The following ANKRD36C variants were observed in gnomAD, a reference collection of about 807,000 sequenced individuals.
ANKRD36C encodes ankyrin repeat domain-containing protein 36C.
ANKRD36C carries 61 observed loss-of-function variants against 276.4 expected under a neutral mutation model. The ratio of observed to expected loss-of-function variants is 0.22; its 90% CI spans 0.18 to 0.27. ANKRD36C has a LOEUF of 0.27. Ranked by LOEUF, ANKRD36C falls within the 10% of genes least tolerant of loss-of-function variation. The pLI is 1.00. For missense variants in ANKRD36C, 1,447 were observed against 2,032.3 expected (o/e 0.71, Z 5.54); for synonymous variants, 483 against 680.1 (o/e 0.71, Z 4.51).
chr2:95,927,198 T>C lies in ANKRD36C; in HGVS notation c.1939+16A>G, dbSNP rs545261615. On this transcript the variant is annotated intron_variant, in intron 28 of 66. Coordinates refer to ENST00000456556, the Ensembl canonical transcript of ANKRD36C. The stretch of plus-strand genomic sequence containing the variant: ...TCTTGACTGAACATGACATTAAATG[T>C]GTTTTGCAAAATTACCTGTCCCAGA... 403 of 1,609,486 alleles carry C rather than the reference T, an allele frequency of 2.5e-4. 4 individuals are homozygous for C. In the South Asian group the frequency reaches 3.9e-3, roughly 16 times the overall value.
exon 63 of ANKRD36C, chr2:95,855,311 C>G (rs180913069): frequency 6.2e-7 from 1 of 1,601,832 alleles, no homozygotes; most frequent in Non-Finnish European, 8.5e-7. Context: ...TTTTTTCTTT[C>G]GAATGATTCA....
intron 6 of ANKRD36C, among the ~76,000 whole-genome samples, chr2:95,963,083 G>A (rs1678498471): frequency 6.6e-6 from 1 of 152,042 alleles, no homozygotes; most frequent in East Asian, 1.9e-4. Context: ...GATCAGCTTG[G>A]ATATATGTTT....
intron 42 of ANKRD36C, chr2:95,902,890 C>G: frequency 6.3e-7 from 1 of 1,576,256 alleles, no homozygotes; most frequent in Non-Finnish European, 8.6e-7. Context: ...AATTACCTCT[C>G]CTAGTTTTTT....
intron 58 of ANKRD36C, 27 bp downstream of exon 78, chr2:95,880,400 G>A: frequency 6.6e-7 from 1 of 1,521,002 alleles, no homozygotes; most frequent in Non-Finnish European, 8.9e-7. Context: ...CTTCTTTCCA[G>A]AGTTAAATCT....
At chr2:95,893,093 G>A (rs949207188) in intron 44 of ANKRD36C, among the ~76,000 whole-genome samples, 1 of 151,256 alleles carries the variant, frequency 6.6e-6, no homozygotes, top group Non-Finnish European at 1.5e-5. Context: ...TCATCCTTGG[G>A]AAAATGATTG....
intron 3 of ANKRD36C, among the ~76,000 whole-genome samples, chr2:95,983,322 GCTCTGTATGAAATGTTATT>G (rs1678958251): frequency 1.3e-5 from 2 of 151,784 alleles, no homozygotes; most frequent in South Asian, 4.2e-4. Context: ...CTGTCAGAAA[GCTCTGTATGAAATGTTATT>G]CTCAATTACA....
intron 1 of ANKRD36C, among the ~76,000 whole-genome samples, chr2:95,991,196 C>A (rs1679130710): frequency 7.9e-6 from 1 of 126,732 alleles, no homozygotes; most frequent in Admixed American, 8.2e-5. Context: ...TCCCATTGAA[C>A]CCTCACCCCA....
chr2:95,919,898 G>C, intron 34 of ANKRD36C: 1 of 1,545,908 alleles, frequency 6.5e-7, no homozygotes, highest in Non-Finnish European at 8.7e-7. Context: ...TTACCTTCAA[G>C]GCTGGTTGTT....
intron 52 of ANKRD36C, among the ~76,000 whole-genome samples, chr2:95,884,944 T>C (rs1237065730): frequency 2.0e-5 from 3 of 152,036 alleles, no homozygotes; most frequent in Admixed American, 1.3e-4. Flanking sequence ...TTATTATTCC[T>C]CACACCCACG....
chr2:95,856,320 T>C, intron 62 of ANKRD36C, 140 bp from the exon 83 acceptor site: 1 of 1,501,316 alleles, frequency 6.7e-7, no homozygotes, highest in Non-Finnish European at 8.8e-7. Context: ...AAAAAGAAGT[T>C]GAGTCAAAAC....
intron 36 of ANKRD36C, among the ~76,000 whole-genome samples, chr2:95,916,384 C>T (rs980203739): frequency 2.4e-4 from 37 of 151,514 alleles, no homozygotes; most frequent in Admixed American, 1.1e-3. Context: ...CAATTTCAAA[C>T]ATGGTATGAT....
chr2:95,962,433 G>T lies in ANKRD36C; in HGVS notation c.829-9C>A. 6.3e-7 allele frequency: 1 copy of T among 1,578,546 alleles called. No individual in the cohort carries two copies. The highest frequency in any genetic ancestry group is 8.6e-7 in the Non-Finnish European group (1 of 1,162,820). The stretch of plus-strand genomic sequence containing the variant: ...TCCTTGCCACTTGTAGCCTGAGTGG[G>T]ATTTGAAACAAAATAATCAATACGT... On this transcript the variant is annotated splice_polypyrimidine_tract_variant and intron_variant, in intron 7 of 66. Coordinates refer to ENST00000456556, the Ensembl canonical transcript of ANKRD36C.
chr2:95,879,946 C>T (rs1283436858), intron 58 of ANKRD36C, among the ~76,000 whole-genome samples: 14 of 141,756 alleles, frequency 9.9e-5, no homozygotes, highest in African/African-American at 3.5e-4. Flanking sequence ...TTTGGGAGGG[C>T]GAGGCGGGAG....
At chr2:95,928,898 TGACCAAG>T (rs1423185210) in intron 26 of ANKRD36C, among the ~76,000 whole-genome samples, 167 bp downstream of exon 26, 5 of 151,524 alleles carry the variant, frequency 3.3e-5, no homozygotes, top group African/African-American at 1.2e-4. Context: ...ACTCAGATCA[TGACCAAG>T]GACCAGCAGC....
intron 42 of ANKRD36C, among the ~76,000 whole-genome samples, chr2:95,902,267 C>G (rs1341336589): frequency 6.7e-6 from 1 of 148,876 alleles, no homozygotes; most frequent in Non-Finnish European, 1.5e-5. Flanking sequence ...TCCAATTATA[C>G]CATTGTTTCC....
chr2:95,914,453 T>C (rs1432493413), intron 38 of ANKRD36C, 150 bp from the exon 41 acceptor site: 4 of 1,059,526 alleles, frequency 3.8e-6, no homozygotes, highest in South Asian at 1.5e-5. Context: ...GACTAGAACA[T>C]GATAGAAATA....
intron 26 of ANKRD36C, among the ~76,000 whole-genome samples, chr2:95,927,799 C>A (rs1677450509): frequency 6.6e-6 from 1 of 151,560 alleles, no homozygotes; most frequent in Non-Finnish European, 1.5e-5. Context: ...AGGATTTACA[C>A]CATTATACTA....
chr2:95,990,935 C>G (rs1679126247), intron 1 of ANKRD36C, among the ~76,000 whole-genome samples: 2 of 152,118 alleles, frequency 1.3e-5, no homozygotes, highest in Non-Finnish European at 2.9e-5. Flanking sequence ...AGTGAAATCA[C>G]TTTAAAATGA....
chr2:95,923,465 C>T lies in ANKRD36C; in HGVS notation c.2143+30G>A, dbSNP rs762686505. 94 of 1,606,700 alleles carry T rather than the reference C, an allele frequency of 5.9e-5. No individual in the cohort carries two copies. The African/African-American group carries it at 1.1e-3, about 18-fold the overall frequency. ...GAAGTTCTTTTCTATCTGGACTGAA[C>T]ATGACATTTAATGTGTTTTGCAAAA... is the stretch of plus-strand genomic sequence containing the variant. On this transcript the variant is annotated intron_variant, in intron 32 of 66. Coordinates refer to ENST00000456556, the Ensembl canonical transcript of ANKRD36C.
Sources: allele counts gnomAD v4.1 joint callset (sites outside exome capture counted in the v4.1 genomes callset), GRCh38; gene constraint gnomAD v4.1.1; transcripts MANE v1.5; gene names NCBI Gene and HGNC (gene_info 2026-07-23, HGNC 2026-07-21).